RFLNA: variants seen among roughly 807,000 people sequenced by gnomAD.
RFLNA encodes refilin-A.
In RFLNA, 5 loss-of-function variants were observed where a neutral mutation model predicts 7.8. The ratio of observed to expected loss-of-function variants is 0.64; its 90% CI spans 0.34 to 1.35. The LOEUF (loss-of-function observed/expected upper bound fraction) is 1.35. RFLNA is among the 40% of genes most tolerant of loss of function. The pLI is 0.04. For synonymous variants in RFLNA, 141 were observed against 131.3 expected, an observed-to-expected ratio of 1.07 and a Z score of -0.50; for missense variants, 278 against 305.5, an observed-to-expected ratio of 0.91 and a Z score of 0.67.
intron 1 of RFLNA, among the ~76,000 whole-genome samples, chr12:124,307,609 G>T (rs1296200436): frequency 6.6e-6 from 1 of 152,232 alleles, no homozygotes; most frequent in African/African-American, 2.4e-5. Flanking sequence ...GATCAAGATG[G>T]GAGGAGGCCA....
At chr12:124,313,971 G>T (rs571215734) in intron 2 of RFLNA, among the ~76,000 whole-genome samples, 92 of 152,228 alleles carry the variant, frequency 6.0e-4, no homozygotes, top group African/African-American at 2.1e-3. Context: ...ATCCAGTCAG[G>T]GTCCTTCATT....
chr12:124,308,354 C>T (rs2034174065), intron 1 of RFLNA, among the ~76,000 whole-genome samples: 3 of 152,230 alleles, frequency 2.0e-5, no homozygotes, highest in Non-Finnish European at 4.4e-5. Context: ...GGCCTCATCT[C>T]AGGAGCCTCA....
At position 124,295,587 on chromosome 12, in the gene RFLNA, G is replaced by T; in HGVS notation, c.158G>T (p.Gly53Val). 3.3e-6 allele frequency: 4 copies of T among 1,222,614 alleles called. No individual in the cohort carries two copies. In the Admixed American group the frequency reaches 1.4e-4, roughly 41 times the overall value. 75.7% of individuals were successfully genotyped at this position (1,222,614 alleles called of 1,614,324 possible). ...LAPGILDARA[G>V]GAGASSEPPG... Reference sequence around the variant, plus strand: ...CCCGGCATCCTCGACGCGCGCGCGGGGGGCGCCGGCGCCTCCTCGGAGCCC... The same window carrying T: ...CCCGGCATCCTCGACGCGCGCGCGGTGGGCGCCGGCGCCTCCTCGGAGCCC... The change falls in exon 1 of 3, where the codon GGG becomes GTG. Residue 53 changes from glycine to valine, a missense_variant. Gly to Val is a moderately radical substitution (Grantham distance 109). Coordinates refer to ENST00000546355, the MANE Select transcript of RFLNA (RefSeq NM_001365156.1).
chr12:124,297,748 T>G (rs1040558927), intron 1 of RFLNA, among the ~76,000 whole-genome samples: 3 of 152,192 alleles, frequency 2.0e-5, no homozygotes, highest in Non-Finnish European at 2.9e-5. Context: ...GAAGGGCTGC[T>G]TTCAATAAAA....
upstream of RFLNA, among the ~76,000 whole-genome samples, chr12:124,294,760 T>G (rs1268871260): frequency 6.6e-6 from 1 of 152,242 alleles, no homozygotes; most frequent in Non-Finnish European, 1.5e-5. Context: ...AAAATAAAGT[T>G]TCTCAAGCTG....
chr12:124,305,175 G>A (rs1201750797), intron 1 of RFLNA, among the ~76,000 whole-genome samples: 1 of 152,182 alleles, frequency 6.6e-6, no homozygotes, highest in Non-Finnish European at 1.5e-5. Context: ...AGGTTAGAAG[G>A]GTGTGAGCTA....
chr12:124,295,406 GCCCGCGC>G lies in RFLNA; in HGVS notation c.-13_-7del. 1.7e-6 allele frequency: 2 copies of G among 1,211,768 alleles called. No individual in the cohort carries two copies. The highest frequency in any genetic ancestry group is 2.1e-6 in the Non-Finnish European group (2 of 970,638). 75.1% of individuals were successfully genotyped at this position (1,211,768 alleles called of 1,614,324 possible). A position where few individuals can be genotyped will look rare whatever the true frequency, so the allele number is the denominator to read the frequency against. On this transcript the variant is annotated 5_prime_UTR_variant, in exon 1 of 3. Transcript: ENST00000546355. ...GGAGAAGCCCCCGGAGGAGCGGGGG[GCCCGCGC>G]CCCGCGCCCCCCAGACATGGTGGGC...
chr12:124,311,479 ATCCCAGT>A (rs2034242322), intron 1 of RFLNA, among the ~76,000 whole-genome samples: 1 of 152,294 alleles, frequency 6.6e-6, no homozygotes, highest in Admixed American at 6.5e-5. Flanking sequence ...GCACAGAGGG[ATCCCAGT>A]TCTCCAGGGC....
intron 1 of RFLNA, among the ~76,000 whole-genome samples, chr12:124,298,937 A>G (rs901986682): frequency 2.0e-5 from 3 of 152,242 alleles, no homozygotes; most frequent in Non-Finnish European, 4.4e-5. Flanking sequence ...AGAAATCACC[A>G]CTAAAGAACT....
At position 124,295,326 on chromosome 12, in the gene RFLNA, C is replaced by A; in HGVS notation, c.-104C>A. ...CCGCCTCTCGCGGTGCCCGCAGGTC[C>A]CCGGGCGCGCAGCTCTCGCCCCGCC... On this transcript the variant is annotated 5_prime_UTR_variant, in exon 1 of 3. Transcript: ENST00000546355. 1 of 574,498 alleles carries A rather than the reference C, an allele frequency of 1.7e-6. No homozygotes were observed. The highest frequency in any genetic ancestry group is 8.4e-5 in the South Asian group (1 of 11,946). 35.6% of individuals were successfully genotyped at this position (574,498 alleles called of 1,614,324 possible).
intron 1 of RFLNA, among the ~76,000 whole-genome samples, chr12:124,309,065 A>G (rs113556545): frequency 3.6e-3 from 553 of 152,316 alleles, no homozygotes; most frequent in African/African-American, 0.012. Flanking sequence ...ACAGGGTCCC[A>G]GGGCATGGCC....
chr12:124,296,151 C>T (rs1177011928), intron 1 of RFLNA, among the ~76,000 whole-genome samples: 6 of 478 alleles, frequency 0.013, no homozygotes, highest in Middle Eastern at 0.5. Context: ...CTTCTCTTCT[C>T]TTCTCTTCTC....
upstream of RFLNA, among the ~76,000 whole-genome samples, chr12:124,290,299 A>C (rs916242249): frequency 6.6e-6 from 1 of 151,858 alleles, no homozygotes; most frequent in Non-Finnish European, 1.5e-5. This position sits in a 1 kb window ranked among gnomAD's most constrained non-coding sequence, Gnocchi z 4.0. Flanking sequence ...TGCATGTGTT[A>C]GTGTGTATAT....
At chr12:124,304,704 G>A (rs1280535063) in intron 1 of RFLNA, among the ~76,000 whole-genome samples, 4 of 152,218 alleles carry the variant, frequency 2.6e-5, no homozygotes, top group Admixed American at 6.5e-5. Flanking sequence ...GGTGGGTAAC[G>A]GCAGCAGCAG....
At chr12:124,299,320 G>T (rs1236747847) in intron 1 of RFLNA, among the ~76,000 whole-genome samples, 3 of 152,252 alleles carry the variant, frequency 2.0e-5, no homozygotes, top group Admixed American at 2.0e-4. Flanking sequence ...TTGTCTGTCA[G>T]CTGCATTCAG....
chr12:124,301,986 G>T (rs576077587), intron 1 of RFLNA, among the ~76,000 whole-genome samples: 5 of 152,270 alleles, frequency 3.3e-5, no homozygotes, highest in African/African-American at 1.2e-4. Flanking sequence ...GCTGTAAGGG[G>T]GTCCGTCCCA....
Position 124,295,195 on chromosome 12 carries a change from G to T in RFLNA, c.-235G>T. The T allele has an allele frequency of 6.7e-6, 1 of 148,998 alleles. No individual in the cohort carries two copies. Among genetic ancestry groups the T allele is most frequent in the South Asian group, 1.9e-4 (1 of 5,386 alleles). The allele number at this position is 148,998 out of a possible 1,614,324, so 9.2% of individuals were successfully genotyped here. ...GGGCCCGGCGGGCGGGAGCCGCGGA[G>T]GGCGGAGGGCGGAGGGCGGCGGCGC... is the stretch of plus-strand genomic sequence containing the variant. On this transcript the variant is annotated 5_prime_UTR_variant, in exon 1 of 3. In the 5' UTR this introduces an upstream ATG that the reference lacks. Transcript: ENST00000546355.
chr12:124,309,310 C>T (rs954397214), intron 1 of RFLNA, among the ~76,000 whole-genome samples: 4 of 152,212 alleles, frequency 2.6e-5, no homozygotes, highest in African/African-American at 9.6e-5. Context: ...GACCACAGCC[C>T]TCCTGACAGT....
At chr12:124,296,956 G>A (rs1164674804) in intron 1 of RFLNA, among the ~76,000 whole-genome samples, 1 of 152,218 alleles carries the variant, frequency 6.6e-6, no homozygotes, top group African/African-American at 2.4e-5. Flanking sequence ...GGTGGAAGGG[G>A]CAGTGAGGAC....
Sources: gnomAD v4.1 joint callset for allele counts (sites outside exome capture counted in the v4.1 genomes callset) on GRCh38, gnomAD v4.1.1 for gene constraint, Gnocchi (gnomAD v3.1) non-coding constraint, MANE v1.5 for transcripts, NCBI Gene and HGNC (gene_info 2026-07-23, HGNC 2026-07-21) for gene names.